Variants in GRM8 observed in about 807,000 individuals in gnomAD.
GRM8 encodes the protein metabotropic glutamate receptor 8.
Under a neutral mutation model 87.2 loss-of-function variants are expected in GRM8, and 47 were observed. The ratio of observed to expected loss-of-function variants is 0.54; its 90% confidence interval spans 0.43 to 0.69. The LOEUF (loss-of-function observed/expected upper bound fraction) is 0.69, where lower values mean the gene tolerates loss of function less well. Among genes scored for constraint, GRM8 ranks in the 30% least tolerant of loss-of-function variants. The probability of loss-of-function intolerance (pLI) is 0.00; values close to 1 mark genes in which losing one functional copy is unlikely to be tolerated. For synonymous variants in GRM8, 396 were observed against 404.5 expected (o/e 0.98, Z 0.25); for missense variants, 1,019 against 1,139.2 (o/e 0.89, Z 1.52).
intron 10 of GRM8, among the ~76,000 whole-genome samples, chr7:126,439,662 A>C (rs1801227123): frequency 6.6e-6 from 1 of 152,110 alleles, no homozygotes. Flanking sequence ...GTTAACTGTA[A>C]AATGGCCTCA....
rs555622568 is a variant in GRM8 at position 127,065,982 on chromosome 7, C to T, written c.727+40514G>A. ...ATCATTCACGATTCTGAAACTTTTG[C>T]TGAAAAGCTTTGATGTATTAAAAAG... is the stretch of plus-strand genomic sequence containing the variant. On this transcript the variant is annotated intron_variant, in intron 3 of 10. Coordinates refer to ENST00000339582, the MANE Select transcript of GRM8 (RefSeq NM_000845.3). Among the ~76,000 whole-genome samples, 10 of 152,230 alleles carry T rather than the reference C, an allele frequency of 6.6e-5. No individual in the cohort carries two copies. The South Asian group carries it at 1.9e-3, about 28-fold the overall frequency.
At chr7:127,192,897 C>T (rs1795096742) in intron 2 of GRM8, among the ~76,000 whole-genome samples, 1 of 152,142 alleles carries the variant, frequency 6.6e-6, no homozygotes, top group Admixed American at 6.5e-5. Context: ...TCCCCTTCCC[C>T]TAAAGGTATC....
chr7:127,192,827 A>T (rs907733072), intron 2 of GRM8, among the ~76,000 whole-genome samples: 1 of 152,140 alleles, frequency 6.6e-6, no homozygotes. Context: ...TTCTGCTTTC[A>T]CCCACTCCCA....
At chr7:126,891,255 T>C (rs1329001552) in intron 6 of GRM8, among the ~76,000 whole-genome samples, 1 of 152,050 alleles carries the variant, frequency 6.6e-6, no homozygotes, top group Admixed American at 6.6e-5. Flanking sequence ...CATCTACTTC[T>C]GTCCATTCCT....
At chr7:126,457,755 A>C (rs1351356098) in intron 9 of GRM8, among the ~76,000 whole-genome samples, 2 of 151,086 alleles carry the variant, frequency 1.3e-5, no homozygotes, top group Non-Finnish European at 1.5e-5. Context: ...GGGAGAGAAA[A>C]TTAAATCCAA....
intron 6 of GRM8, among the ~76,000 whole-genome samples, chr7:126,798,286 A>G (rs1400308726): frequency 6.6e-6 from 1 of 152,174 alleles, no homozygotes; most frequent in East Asian, 1.9e-4. Context: ...GCATTTTACC[A>G]AGATAGAACA....
At chr7:126,531,034 T>C (rs1814735691) in intron 9 of GRM8, among the ~76,000 whole-genome samples, 1 of 152,152 alleles carries the variant, frequency 6.6e-6, no homozygotes, top group South Asian at 2.1e-4. Context: ...GGCTTGTCAT[T>C]TTATGTATTG....
In GRM8 at chr7:127,243,460, T is replaced by C. The variant is rs1798421116; in HGVS notation, c.-256A>G. Reference sequence around the variant, plus strand: ...AATTAGAACATCTGAGGTTCTGATGTTGGGATGAGGTCAACAATTCATGTC... The same window carrying C: ...AATTAGAACATCTGAGGTTCTGATGCTGGGATGAGGTCAACAATTCATGTC... On this transcript the variant is annotated 5_prime_UTR_variant, in exon 2 of 11. Coordinates refer to ENST00000339582, the MANE Select transcript of GRM8 (RefSeq NM_000845.3). The C allele has an allele frequency of 1.5e-5, 7 of 482,048 alleles. No individual in the cohort carries two copies. The highest frequency in any genetic ancestry group is 2.2e-5 in the Non-Finnish European group (6 of 273,684). The allele number at this position is 482,048 out of a possible 1,614,324, so 29.9% of individuals were successfully genotyped here. A position where few individuals can be genotyped will look rare whatever the true frequency, so the allele number is the denominator to read the frequency against.
chr7:126,491,405 G>T (rs1807995613), intron 9 of GRM8, among the ~76,000 whole-genome samples: 1 of 151,986 alleles, frequency 6.6e-6, no homozygotes, highest in Admixed American at 6.6e-5. Flanking sequence ...ACAATGAAAT[G>T]GATATTGTTT....
At chr7:126,560,006 G>A (rs1486411767) in intron 8 of GRM8, among the ~76,000 whole-genome samples, 3 of 152,194 alleles carry the variant, frequency 2.0e-5, no homozygotes, top group African/African-American at 7.2e-5. Context: ...ATCGCCACTT[G>A]AAATCTAACC....
At chr7:126,728,376 C>T (rs1365234469) in intron 7 of GRM8, among the ~76,000 whole-genome samples, 1 of 152,106 alleles carries the variant, frequency 6.6e-6, no homozygotes, top group Non-Finnish European at 1.5e-5. Flanking sequence ...TGGACCCCAG[C>T]TGGCTGGCTC....
At chr7:126,645,829 G>T (rs967870679) in intron 7 of GRM8, among the ~76,000 whole-genome samples, 4 of 152,050 alleles carry the variant, frequency 2.6e-5, no homozygotes, top group African/African-American at 7.2e-5. Flanking sequence ...CTCTCACTCG[G>T]CTCAACAAAT....
At chr7:126,689,260 C>T (rs1808532063) in intron 7 of GRM8, among the ~76,000 whole-genome samples, 1 of 152,148 alleles carries the variant, frequency 6.6e-6, no homozygotes, top group African/African-American at 2.4e-5. Context: ...TGTTCCTTAA[C>T]CAAATGATTC....
chr7:126,467,426 C>T (rs1456889960), intron 9 of GRM8, among the ~76,000 whole-genome samples: 4 of 151,894 alleles, frequency 2.6e-5, no homozygotes, highest in Admixed American at 1.3e-4. Flanking sequence ...GAACAGATAT[C>T]GAAGGCTTCA....
At chr7:126,645,929 A>G (rs1047172089) in intron 7 of GRM8, among the ~76,000 whole-genome samples, 2 of 152,098 alleles carry the variant, frequency 1.3e-5, no homozygotes, top group African/African-American at 4.8e-5. Flanking sequence ...ACCAGGGAAA[A>G]TAGAAGTCAT....
At chr7:126,764,805 T>C (rs948941396) in intron 7 of GRM8, among the ~76,000 whole-genome samples, 1 of 152,056 alleles carries the variant, frequency 6.6e-6, no homozygotes, top group Non-Finnish European at 1.5e-5. Context: ...TGAAGTTGAC[T>C]CTTCTCTCCA....
At chr7:126,910,785 G>T (rs1197035897) in intron 3 of GRM8, among the ~76,000 whole-genome samples, 1 of 152,138 alleles carries the variant, frequency 6.6e-6, no homozygotes, top group Non-Finnish European at 1.5e-5. Flanking sequence ...GAGACTTGTG[G>T]GTGAGTGGTC....
chr7:126,558,237 A>G (rs1434489905), intron 8 of GRM8, among the ~76,000 whole-genome samples: 1 of 152,182 alleles, frequency 6.6e-6, no homozygotes, highest in Non-Finnish European at 1.5e-5. Context: ...ATAGCTTACA[A>G]CTGTGTACCA....
intron 3 of GRM8, among the ~76,000 whole-genome samples, chr7:126,909,957 G>A (rs939873616): frequency 2.6e-5 from 4 of 152,036 alleles, no homozygotes; most frequent in African/African-American, 7.2e-5. Flanking sequence ...TAATGGTTTA[G>A]TGACTGCAAA....
Sources: gnomAD v4.1 joint callset for allele counts (sites outside exome capture counted in the v4.1 genomes callset) on GRCh38, gnomAD v4.1.1 for gene constraint, MANE v1.5 for transcripts, NCBI Gene and HGNC (gene_info 2026-07-23, HGNC 2026-07-21) for gene names.